Variants in ERC1 observed in about 807,000 individuals in gnomAD.
ERC1 encodes RAB6 interacting protein 2.
Under a neutral mutation model 132.0 loss-of-function variants are expected in ERC1, and 56 were observed. That is an observed-to-expected ratio of 0.42 (90% CI 0.34 to 0.53). ERC1 has a LOEUF of 0.53. ERC1 is among the 20% of genes least tolerant of loss of function. ERC1 has a pLI of 0.03. For missense variants in ERC1, 1,202 were observed against 1,349.9 expected, an observed-to-expected ratio of 0.89 and a Z score of 1.72; for synonymous variants, 478 against 476.1, an observed-to-expected ratio of 1.00 and a Z score of -0.05.
At chr12:1,382,844 T>G (rs2088847139) in intron 16 of ERC1, among the ~76,000 whole-genome samples, 1 of 152,202 alleles carries the variant, frequency 6.6e-6, no homozygotes, top group South Asian at 2.1e-4. Context: ...TATTGCATTA[T>G]GAAGATGAAA....
chr12:1,302,917 C>T (rs1216136557), intron 15 of ERC1, among the ~76,000 whole-genome samples: 2 of 152,128 alleles, frequency 1.3e-5, no homozygotes, highest in South Asian at 2.1e-4. Context: ...GAGCTGTAAT[C>T]GCATCACTGC....
chr12:1,358,968 AAG>A (rs2085808087), intron 15 of ERC1, among the ~76,000 whole-genome samples: 1 of 152,216 alleles, frequency 6.6e-6, no homozygotes, highest in African/African-American at 2.4e-5. Flanking sequence ...CGACAAAGAT[AAG>A]AGTTTGCTTC....
intron 12 of ERC1, chr12:1,204,478 C>T (rs781362708): frequency 1.3e-6 from 2 of 1,577,496 alleles, no homozygotes; most frequent in Non-Finnish European, 1.7e-6. Context: ...ACATTTTCTT[C>T]CTGGATTTCC....
At chr12:1,418,536 A>G (rs1167036541) in intron 17 of ERC1, among the ~76,000 whole-genome samples, 2 of 151,664 alleles carry the variant, frequency 1.3e-5, no homozygotes, top group Non-Finnish European at 2.9e-5. Context: ...TTCATCATAC[A>G]CAGATTTCCT....
intron 2 of ERC1, among the ~76,000 whole-genome samples, chr12:1,071,665 T>A (rs1046502835): frequency 6.6e-6 from 1 of 152,122 alleles, no homozygotes; most frequent in Non-Finnish European, 1.5e-5. Flanking sequence ...TTTTTAAAAT[T>A]TTTCCTCATC....
At chr12:1,256,459 G>A (rs2076828010) in intron 13 of ERC1, among the ~76,000 whole-genome samples, 1 of 138,304 alleles carries the variant, frequency 7.2e-6, no homozygotes, top group South Asian at 2.4e-4. Context: ...ACAGTCAAAT[G>A]TGAGGATTCA....
At chr12:1,353,662 A>G (rs950894317) in intron 15 of ERC1, among the ~76,000 whole-genome samples, 1 of 152,194 alleles carries the variant, frequency 6.6e-6, no homozygotes, top group African/African-American at 2.4e-5. Context: ...CGTGATTTTC[A>G]TGAATGGATC....
At chr12:1,103,372 G>A (rs1944892925) in intron 3 of ERC1, among the ~76,000 whole-genome samples, 1 of 152,170 alleles carries the variant, frequency 6.6e-6, no homozygotes, top group Non-Finnish European at 1.5e-5. Flanking sequence ...GGAGTCGAAT[G>A]GGGAGCCATG....
At chr12:1,072,384 CATG>C (rs1275473431) in intron 2 of ERC1, among the ~76,000 whole-genome samples, 1 of 152,094 alleles carries the variant, frequency 6.6e-6, no homozygotes, top group Non-Finnish European at 1.5e-5. Context: ...AATACGAAAA[CATG>C]AAGTAATCTT....
chr12:1,067,340 G>A (rs188202269), intron 2 of ERC1, among the ~76,000 whole-genome samples: 219 of 152,274 alleles, frequency 1.4e-3, no homozygotes, highest in Non-Finnish European at 2.1e-3. Context: ...TTGGGGAAGA[G>A]TATTCTAAAT....
intron 17 of ERC1, among the ~76,000 whole-genome samples, chr12:1,426,123 G>T (rs1305523911): frequency 1.4e-5 from 2 of 141,382 alleles, no homozygotes; most frequent in African/African-American, 2.7e-5. Context: ...TTTTTTTTGA[G>T]ATGGAGCTTC....
At chr12:1,220,144 C>T (rs184936302) in intron 12 of ERC1, among the ~76,000 whole-genome samples, 1 of 152,168 alleles carries the variant, frequency 6.6e-6, no homozygotes, top group Non-Finnish European at 1.5e-5. Flanking sequence ...CATTATATGT[C>T]TCTTCCCTGA....
intron 12 of ERC1, among the ~76,000 whole-genome samples, chr12:1,211,146 G>GAT (rs1174625204): frequency 1.0e-3 from 154 of 151,062 alleles, no homozygotes; most frequent in East Asian, 1.7e-3. Context: ...CTTTTAAATT[G>GAT]ATATATATAT....
intron 17 of ERC1, among the ~76,000 whole-genome samples, chr12:1,434,414 T>C (rs1271004032): frequency 1.3e-5 from 2 of 152,220 alleles, no homozygotes; most frequent in Non-Finnish European, 2.9e-5. Flanking sequence ...TACTTACTCT[T>C]TATTGACTCG....
chr12:1,124,545 CAT>C (rs1947931236), intron 7 of ERC1, among the ~76,000 whole-genome samples: 2 of 151,924 alleles, frequency 1.3e-5, no homozygotes, highest in South Asian at 2.1e-4. Flanking sequence ...TAGTTTTTAA[CAT>C]ATTTATCAGA....
At chr12:1,315,359 T>C (rs1321165161) in intron 15 of ERC1, among the ~76,000 whole-genome samples, 1 of 151,952 alleles carries the variant, frequency 6.6e-6, no homozygotes, top group Non-Finnish European at 1.5e-5. Flanking sequence ...TTGTTTTGTT[T>C]TGTTTTTTTG....
At chr12:1,467,298 C>T (rs2093762806) in intron 18 of ERC1, among the ~76,000 whole-genome samples, 1 of 151,966 alleles carries the variant, frequency 6.6e-6, no homozygotes, top group Admixed American at 6.6e-5. Context: ...CTCTGAGGCA[C>T]TGCCTTTCTA....
chr12:1,299,442 G>A (rs995847110), intron 15 of ERC1, among the ~76,000 whole-genome samples: 5 of 152,130 alleles, frequency 3.3e-5, no homozygotes, highest in Admixed American at 1.3e-4. Context: ...GTTAGGACTC[G>A]TTTTGAACTG....
rs899303414 is a variant in ERC1 at position 1,023,686 on chromosome 12, A to G, written c.-156-4062A>G. Among the ~76,000 whole-genome samples the G allele has an allele frequency of 2.6e-5, 4 of 152,232 alleles. No individual in the cohort carries two copies. The East Asian group carries it at 7.7e-4, about 29-fold the overall frequency. ...GATGATATTGTAGTGTGAGAATAAC[A>G]TAGGGATGAAGATCAGAAACATTTA... On this transcript the variant is annotated intron_variant, in intron 1 of 18. Coordinates refer to ENST00000360905, the MANE Select transcript of ERC1 (RefSeq NM_178040.4).
Sources: allele counts gnomAD v4.1 joint callset (sites outside exome capture counted in the v4.1 genomes callset), GRCh38; gene constraint gnomAD v4.1.1; transcripts MANE v1.5; gene names NCBI Gene and HGNC (gene_info 2026-07-23, HGNC 2026-07-21).